NGFR: variants seen among roughly 807,000 people sequenced by gnomAD.
The protein encoded by NGFR is nerve growth factor receptor, also known as tumor necrosis factor receptor superfamily member 16.
In NGFR, 30 loss-of-function variants were observed where a neutral mutation model predicts 43.2. The observed-to-expected ratio is 0.69, with a 90% CI of 0.52 to 0.94. The LOEUF (loss-of-function observed/expected upper bound fraction) is 0.94. Among genes scored for constraint, NGFR ranks in the 40% least tolerant of loss-of-function variants. The pLI, the probability that NGFR is intolerant of heterozygous loss-of-function variation, is 0.00. For synonymous variants in NGFR, 246 were observed against 259.6 expected (o/e 0.95, Z 0.50); for missense variants, 529 against 602.5 (o/e 0.88, Z 1.28).
rs2071132374 is a variant in NGFR, at chr17:49,495,390, A to AG, written c.-27dup. On this transcript the variant is annotated 5_prime_UTR_variant, in exon 1 of 6. Coordinates refer to ENST00000172229, the MANE Select transcript of NGFR (RefSeq NM_002507.4). This position sits in a 1 kb window ranked among gnomAD's most constrained non-coding sequence, Gnocchi z 6.4. The stretch of plus-strand genomic sequence containing the variant: ...AGTCCGCAAAGCGGACCGAGCTGGA[A>AG]GTCGAGCGCTGCCGCGGGAGGCGGG... 15 of 1,231,676 alleles carry AG rather than the reference A, an allele frequency of 1.2e-5. No homozygotes were observed. Among genetic ancestry groups the AG allele is most frequent in the Non-Finnish European group, 4.1e-6 (4 of 986,506 alleles). The allele number at this position is 1,231,676 out of a possible 1,614,324, so 76.3% of individuals were successfully genotyped here.
chr17:49,506,451 C>A lies in NGFR; in HGVS notation c.361C>A (p.Arg121Ser), dbSNP rs767295637. 6.2e-7 allele frequency: 1 copy of A among 1,608,346 alleles called. No individual in the cohort carries two copies. The highest frequency in any genetic ancestry group is 8.5e-7 in the Non-Finnish European group (1 of 1,178,920). The change falls in exon 3 of 6, where the codon CGC becomes AGC. Residue 121 changes from arginine to serine, a missense_variant. Physicochemically the swap from Arg to Ser is moderately radical, Grantham distance 110. Transcript: ENST00000172229. ...CTACTACCAGGATGAGACGACTGGG[C>A]GCTGCGAGGCGTGCCGCGTGTGCGA... ...YGYYQDETTG[R>S]CEACRVCEAG...
chr17:49,509,261 T>G (rs2071217345), intron 3 of NGFR, among the ~76,000 whole-genome samples: 2 of 152,204 alleles, frequency 1.3e-5, no homozygotes, highest in Non-Finnish European at 2.9e-5. Context: ...GGGTGGCAGC[T>G]TCTACTCCTG....
At position 49,501,999 on chromosome 17, in the gene NGFR, A is replaced by ATGGGGGC; in HGVS notation, c.67-64_67-63insTGGGGGC. 3.0e-5 allele frequency: 10 copies of ATGGGGGC among 330,982 alleles called. 1 individual carries two copies. Among genetic ancestry groups the ATGGGGGC allele is most frequent in the East Asian group, 6.4e-5 (1 of 15,570 alleles). 20.5% of individuals were successfully genotyped at this position (330,982 alleles called of 1,614,324 possible). On this transcript the variant is annotated intron_variant, in intron 1 of 5. Transcript: ENST00000172229. ...AGGAGGGTGTTTGATTCCCCGGAAG[A>ATGGGGGC]ACCCCCCCCAACCCACCCCAGCTTT... is the stretch of plus-strand genomic sequence containing the variant.
At chr17:49,506,750 T>G in intron 3 of NGFR, 92 bp downstream of exon 3, 1 of 1,266,544 alleles carries the variant, frequency 7.9e-7, no homozygotes, top group Non-Finnish European at 1.1e-6. Flanking sequence ...ACAAGGACCC[T>G]GCCTGGCCTG....
At chr17:49,502,306 A>G (rs1203184976) in intron 2 of NGFR, 102 bp downstream of exon 2, 7 of 1,305,540 alleles carry the variant, frequency 5.4e-6, no homozygotes, top group African/African-American at 1.5e-5. Flanking sequence ...TAGAGGCCTT[A>G]TAAGACCACC....
intron 2 of NGFR, 88 bp downstream of exon 2, chr17:49,502,292 C>A: frequency 7.1e-7 from 1 of 1,402,818 alleles, no homozygotes; most frequent in Non-Finnish European, 9.6e-7. Flanking sequence ...AGAAGCATGC[C>A]CAGTAGAGGC....
chr17:49,500,398 C>T (rs1290544336), intron 1 of NGFR, among the ~76,000 whole-genome samples: 1 of 152,142 alleles, frequency 6.6e-6, no homozygotes, highest in Admixed American at 6.5e-5. Flanking sequence ...TGCCAGATAC[C>T]GCATCAGGCC....
intron 1 of NGFR, 64 bp from the exon 2 acceptor site, chr17:49,501,999 A>ATGGCC: frequency 6.3e-5 from 21 of 330,974 alleles, no homozygotes; most frequent in Non-Finnish European, 1.1e-4. Context: ...TCCCCGGAAG[A>ATGGCC]ACCCCCCCCA....
At chr17:49,500,361 G>A (rs769444054) in intron 1 of NGFR, among the ~76,000 whole-genome samples, 11 of 152,306 alleles carry the variant, frequency 7.2e-5, no homozygotes, top group East Asian at 1.9e-4. Context: ...TCAACTCCAC[G>A]CGTGTATGCA....
chr17:49,495,729 A>C lies in NGFR; in HGVS notation c.66+246A>C. 2 of 235,342 alleles carry C rather than the reference A, an allele frequency of 8.5e-6. No individual in the cohort carries two copies. The highest frequency in any genetic ancestry group is 6.8e-5 in the East Asian group (1 of 14,756). The allele number at this position is 235,342 out of a possible 1,614,324, so 14.6% of individuals were successfully genotyped here. ...ACGGATGCCGGTCCTCAGGTACCGC[A>C]GGGGGCGGTGGGGGAGCTGGGAGGG... On this transcript the variant is annotated intron_variant, in intron 1 of 5. Transcript: ENST00000172229. The surrounding 1 kb of genome is among the most constrained non-coding windows in gnomAD (Gnocchi z 6.4).
chr17:49,506,238 G>A (rs976042795), intron 2 of NGFR, 61 bp from the exon 3 acceptor site: 34 of 1,506,136 alleles, frequency 2.3e-5, no homozygotes, highest in Non-Finnish European at 3.0e-5. Context: ...AGAGACTCCA[G>A]CTCCTGCGTC....
chr17:49,510,388 C>T (rs1407847829), intron 3 of NGFR, 24 bp from the exon 4 acceptor site: 1 of 1,609,134 alleles, frequency 6.2e-7, no homozygotes, highest in Non-Finnish European at 8.5e-7. Flanking sequence ...AGTGGGTCCT[C>T]ACTCCTGTGG....
At chr17:49,510,851 A>ACCTGT in intron 4 of NGFR, 187 bp downstream of exon 4, 1 of 683,306 alleles carries the variant, frequency 1.5e-6, no homozygotes, top group South Asian at 1.8e-5. Context: ...GAGAGGATCC[A>ACCTGT]CCTGTCCTGT....
At chr17:49,507,325 G>A in intron 3 of NGFR, among the ~76,000 whole-genome samples, 1 of 152,202 alleles carries the variant, frequency 6.6e-6, no homozygotes, top group East Asian at 1.9e-4. Context: ...TAGGGGAGGG[G>A]TCAACCGTGT....
rs2071131359 is a variant in NGFR at position 49,495,312 on chromosome 17, C to A, written c.-106C>A. The A allele has an allele frequency of 1.1e-6, 1 of 950,538 alleles. No homozygotes were observed. The highest frequency in any genetic ancestry group is 1.4e-6 in the Non-Finnish European group (1 of 733,174). 58.9% of individuals were successfully genotyped at this position (950,538 alleles called of 1,614,324 possible). A position where few individuals can be genotyped will look rare whatever the true frequency, so the allele number is the denominator to read the frequency against. ...GCAGCCAGAGCGAGCCGAGCCGCGG[C>A]CAGCTCCGGCGGGCAGGGGGGGCGC... On this transcript the variant is annotated 5_prime_UTR_variant, in exon 1 of 6. Coordinates refer to ENST00000172229, the MANE Select transcript of NGFR (RefSeq NM_002507.4). This position sits in a 1 kb window ranked among gnomAD's most constrained non-coding sequence, Gnocchi z 6.4.
At chr17:49,511,267 T>A (rs1198461353) in intron 4 of NGFR, among the ~76,000 whole-genome samples, 1 of 152,224 alleles carries the variant, frequency 6.6e-6, no homozygotes, top group Non-Finnish European at 1.5e-5. Context: ...AAATGGATCC[T>A]TCCCAACTAT....
In NGFR at chr17:49,512,781, C is replaced by T. The variant is rs776893078; in HGVS notation, c.1056C>T (p.Asn352=). The T allele has an allele frequency of 2.4e-5, 38 of 1,613,188 alleles. No individual in the cohort carries two copies. The highest frequency in any genetic ancestry group is 5.0e-5 in the Admixed American group (3 of 59,976). Residue 352 remains asparagine (N), a synonymous_variant, in exon 6 of 6, where the codon AAC becomes AAT. Coordinates refer to ENST00000172229, the MANE Select transcript of NGFR (RefSeq NM_002507.4). The surrounding 1 kb of genome is among the most constrained non-coding windows in gnomAD (Gnocchi z 5.2). Reference sequence around the variant, plus strand: ...GGGAGGAGGTGGAGAAGCTTCTCAACGGCTCTGCGGGGGACACCTGGCGGC... The same window carrying T: ...GGGAGGAGGTGGAGAAGCTTCTCAATGGCTCTGCGGGGGACACCTGGCGGC... ...AKREEVEKLL[N]GSAGDTWRHL...
At chr17:49,506,704 G>GGGGGGGGGGGGGGGGGGGGGGGGGGGGGC in intron 3 of NGFR, 46 bp downstream of exon 3, 3 of 737,232 alleles carry the variant, frequency 4.1e-6, no homozygotes, top group South Asian at 2.5e-5. Context: ...GCGGGGGTGG[G>GGGGGGGGGGGGGGGGGGGGGGGGGGGGGC]CTGGGGGCAT....
In NGFR at chr17:49,512,061, C is replaced by T. The variant is rs746383653; in HGVS notation, c.982+9C>T. 3.7e-5 allele frequency: 59 copies of T among 1,610,680 alleles called. No homozygotes were observed. The highest frequency in any genetic ancestry group is 1.7e-4 in the Middle Eastern group (1 of 5,752). ...GACAGCCTCGGGCCAGGGTGAGCAG[C>T]GGCCCGCTGGGGAGCTGAGGCGGAG... On this transcript the variant is annotated intron_variant, in intron 5 of 5. Coordinates refer to ENST00000172229, the MANE Select transcript of NGFR (RefSeq NM_002507.4). This position sits in a 1 kb window ranked among gnomAD's most constrained non-coding sequence, Gnocchi z 5.2.
Sources: allele counts gnomAD v4.1 joint callset (sites outside exome capture counted in the v4.1 genomes callset), GRCh38; gene constraint gnomAD v4.1.1; non-coding constraint Gnocchi (gnomAD v3.1); transcripts MANE v1.5; gene names NCBI Gene and HGNC (gene_info 2026-07-23, HGNC 2026-07-21).